Variants in ZC3HAV1 observed in about 807,000 individuals in gnomAD.
The protein encoded by ZC3HAV1 is zinc finger CCCH-type antiviral protein 1.
Under a neutral mutation model 86.6 loss-of-function variants are expected in ZC3HAV1, and 41 were observed. The observed-to-expected ratio is 0.47, with a 90% confidence interval of 0.37 to 0.61. The LOEUF (loss-of-function observed/expected upper bound fraction) is 0.61. Among genes scored for constraint, ZC3HAV1 ranks in the 20% least tolerant of loss-of-function variants. ZC3HAV1 has a pLI of 0.00. For synonymous variants in ZC3HAV1, 421 were observed against 432.1 expected, an observed-to-expected ratio of 0.97 and a Z score of 0.32; for missense variants, 964 against 1,141.1, an observed-to-expected ratio of 0.84 and a Z score of 2.24.
intron 1 of ZC3HAV1, among the ~76,000 whole-genome samples, chr7:139,097,401 C>CATATATATATATAT (rs1183885767): frequency 6.6e-4 from 42 of 63,832 alleles, no homozygotes; most frequent in East Asian, 1.2e-3. Flanking sequence ...ATTGGAACTC[C>CATATATATATATAT]ATATATATAT....
At chr7:139,092,204 C>A (rs1817457258) in intron 1 of ZC3HAV1, among the ~76,000 whole-genome samples, 3 of 152,134 alleles carry the variant, frequency 2.0e-5, no homozygotes, top group Admixed American at 2.0e-4. Flanking sequence ...GGATATAGCT[C>A]GCCACCATAT....
intron 11 of ZC3HAV1, 114 bp downstream of exon 11, chr7:139,053,851 C>T (rs565444210): frequency 2.3e-6 from 3 of 1,324,784 alleles, no homozygotes; most frequent in African/African-American, 1.6e-5. Flanking sequence ...AAGACTAGCG[C>T]CTAAAGGAAC....
chr7:139,097,412 ATATATATATATATATATTTTT>A lies in ZC3HAV1; in HGVS notation c.309-7674_309-7654del, dbSNP rs1196742734. On this transcript the variant is annotated intron_variant, in intron 1 of 12. Transcript: ENST00000242351. ...AAATATTGGAACTCCATATATATATATATATATATATATATATTTTTTTTTTTTTTTTTTTTCTTTGAGATG... is the reference window on the plus strand; with the variant it reads ...AAATATTGGAACTCCATATATATATATTTTTTTTTTTTTTTCTTTGAGATG... Among the ~76,000 whole-genome samples, 136 of 74,340 alleles carry A rather than the reference ATATATATATATATATATTTTT, an allele frequency of 1.8e-3. 9 individuals carry two copies. In the South Asian group the frequency reaches 0.039, roughly 22 times the overall value. The allele number at this position is 74,340 out of a possible 152,430, so 48.8% of individuals were successfully genotyped here.
chr7:139,090,737 G>A lies in ZC3HAV1; in HGVS notation c.309-978C>T, dbSNP rs532042129. ...TGAAAATGTAAACATCTAGGTAAAA[G>A]TTATTCTCTAAGAATTAATTTTTAA... On this transcript the variant is annotated intron_variant, in intron 1 of 12. Coordinates refer to ENST00000242351, the MANE Select transcript of ZC3HAV1 (RefSeq NM_020119.4). Among the ~76,000 whole-genome samples, 681 of 152,282 alleles carry A rather than the reference G, an allele frequency of 4.5e-3. 4 individuals carry two copies. The highest frequency in any genetic ancestry group is 9.2e-3 in the Admixed American group (140 of 15,290).
intron 7 of ZC3HAV1, among the ~76,000 whole-genome samples, chr7:139,073,440 G>A (rs1375309353): frequency 2.0e-5 from 3 of 151,988 alleles, no homozygotes; most frequent in South Asian, 2.1e-4. Context: ...CACACTCCAC[G>A]GGTAACCATG....
chr7:139,073,213 C>T lies in ZC3HAV1; in HGVS notation c.1872+643G>A, dbSNP rs561272246. On this transcript the variant is annotated intron_variant, in intron 7 of 12. Transcript: ENST00000242351. ...ACTCGGGAGGCTGAGGCAGGAAGAT[C>T]GCTTGAACCCAGGAGATGGAGGTTG... is the stretch of plus-strand genomic sequence containing the variant. Among the ~76,000 whole-genome samples, 71 of 152,052 alleles carry T rather than the reference C, an allele frequency of 4.7e-4. 2 individuals are homozygous for T. The highest frequency in any genetic ancestry group is 1.6e-3 in the African/African-American group (66 of 41,486).
chr7:139,097,418 A>ATTTTTTTTTT (rs1563140611), intron 1 of ZC3HAV1, among the ~76,000 whole-genome samples: 3 of 78,458 alleles, frequency 3.8e-5, no homozygotes, highest in African/African-American at 2.3e-4. Context: ...ATATATATAT[A>ATTTTTTTTTT]TATATATATA....
At chr7:139,059,034 T>C (rs554201330) in intron 9 of ZC3HAV1, among the ~76,000 whole-genome samples, 3 of 152,254 alleles carry the variant, frequency 2.0e-5, no homozygotes, top group Admixed American at 1.3e-4. Flanking sequence ...GTTTTGTTGC[T>C]TTAAGGAAAG....
At position 139,083,872 on chromosome 7, in the gene ZC3HAV1, A is replaced by C. The variant is rs1299145475; in HGVS notation, c.605T>G (p.Met202Arg). The stretch of plus-strand genomic sequence containing the variant: ...GTCGGGGTTCAGCCCGTGCTCCCTC[A>C]TGATGGCCAGCACCTTTCTGTCCAT... ...NLMDRKVLAI[M>R]REHGLNPDVV... Residue 202 changes from methionine (M) to arginine (R), a missense_variant, in exon 3 of 13, where the codon ATG (methionine) becomes AGG (arginine). Met to Arg is a moderately conservative substitution (Grantham distance 91). Transcript: ENST00000242351. 1 of 1,614,066 alleles carries C rather than the reference A, an allele frequency of 6.2e-7. No homozygotes were observed. Among genetic ancestry groups the C allele is most frequent in the South Asian group, 1.1e-5 (1 of 91,074 alleles).
At chr7:139,089,568 T>C in intron 2 of ZC3HAV1, 56 bp downstream of exon 2, 1 of 1,514,362 alleles carries the variant, frequency 6.6e-7, no homozygotes, top group Non-Finnish European at 8.8e-7. Flanking sequence ...AAAATATCTG[T>C]GACACAATAC....
At position 139,097,424 on chromosome 7, in the gene ZC3HAV1, A is replaced by ATTTTTTTTTTTTT. The variant is rs1278585081; in HGVS notation, c.309-7666_309-7665insAAAAAAAAAAAAA. On this transcript the variant is annotated intron_variant, in intron 1 of 12. Transcript: ENST00000242351. ...TCCATATATATATATATATATATATATATATTTTTTTTTTTTTTTTTTTTC... is the reference window on the plus strand; with the variant it reads ...TCCATATATATATATATATATATATATTTTTTTTTTTTTTATATTTTTTTTTTTTTTTTTTTTC... 3.6e-4 allele frequency among the ~76,000 whole-genome samples: 29 copies of ATTTTTTTTTTTTT among 81,176 alleles called. 2 individuals carry two copies. The highest frequency in any genetic ancestry group is 1.9e-3 in the African/African-American group (26 of 14,054). 53.3% of individuals were successfully genotyped at this position (81,176 alleles called of 152,430 possible).
chr7:139,064,895 A>T lies in ZC3HAV1; in HGVS notation c.1977T>A (p.Tyr659Ter). 6.2e-7 allele frequency: 1 copy of T among 1,613,934 alleles called. No homozygotes were observed. Among genetic ancestry groups the T allele is most frequent in the Non-Finnish European group, 8.5e-7 (1 of 1,179,786 alleles). Residue 659 changes from tyrosine (Y) to a stop codon, truncating the protein, a stop_gained, in exon 8 of 13, where the codon TAT becomes TAA. Coordinates refer to ENST00000242351, the MANE Select transcript of ZC3HAV1 (RefSeq NM_020119.4). LOFTEE classifies it high-confidence loss of function. The stretch of plus-strand genomic sequence containing the variant: ...GAAACCCACCTTGGAAACTCAGCTC[A>T]TAGTTCCGTGAGCCCGCCTGAAATG... Reference protein sequence around the residue: ...VVPFQAGSRNYELSFQGMIQT... With the variant: ...VVPFQAGSRN
rs749046264 is a variant in ZC3HAV1 at position 139,078,598 on chromosome 7, T to A, written c.1527A>T (p.Ser509=). Residue 509 remains serine (S), a synonymous_variant, in exon 5 of 13, where the codon TCA becomes TCT. Transcript: ENST00000242351. ...ACAGATGGTCAAGACAAATTTCCTCTGAGTCATGATCATCCACCCTAGAAG... is the reference window on the plus strand; with the variant it reads ...ACAGATGGTCAAGACAAATTTCCTCAGAGTCATGATCATCCACCCTAGAAG... ...TTSSRVDDHD[S]EEICLDHLCK... 7.5e-6 allele frequency: 12 copies of A among 1,591,338 alleles called. No homozygotes were observed. In the East Asian group the frequency reaches 2.7e-4, roughly 36 times the overall value.
intron 1 of ZC3HAV1, among the ~76,000 whole-genome samples, chr7:139,095,979 C>A (rs772739838): frequency 2.0e-5 from 3 of 151,938 alleles, no homozygotes; most frequent in Non-Finnish European, 4.4e-5. Flanking sequence ...GAGTAGATGG[C>A]CGCAGGTGGT....
Position 139,064,902 on chromosome 7 carries a change from C to T in ZC3HAV1, c.1970G>A (p.Arg657Gln), listed in dbSNP as rs1816552173. ...ACCTTGGAAACTCAGCTCATAGTTC[C>T]GTGAGCCCGCCTGAAATGGCACAAC... ...RGVVPFQAGSRNYELSFQGMI... is the reference protein window; with the variant it reads ...RGVVPFQAGSQNYELSFQGMI... Residue 657 changes from arginine (R) to glutamine (Q), a missense_variant, in exon 8 of 13, where the codon CGG (arginine) becomes CAG (glutamine). Physicochemically the swap from Arg to Gln is conservative, Grantham distance 43. Transcript: ENST00000242351. 8 of 1,613,992 alleles carry T rather than the reference C, an allele frequency of 5.0e-6. No homozygotes were observed. Among genetic ancestry groups the T allele is most frequent in the Admixed American group, 1.7e-5 (1 of 59,998 alleles).
At chr7:139,107,926 T>A (rs1333662154) in intron 1 of ZC3HAV1, among the ~76,000 whole-genome samples, 2 of 152,232 alleles carry the variant, frequency 1.3e-5, no homozygotes, top group African/African-American at 2.4e-5. Context: ...GGCCATTCAT[T>A]AATTCAACAA....
At chr7:139,106,987 T>C (rs1335614824) in intron 1 of ZC3HAV1, among the ~76,000 whole-genome samples, 1 of 152,026 alleles carries the variant, frequency 6.6e-6, no homozygotes, top group African/African-American at 2.4e-5. Context: ...TTTGAGTATG[T>C]TGAAAATATC....
intron 9 of ZC3HAV1, among the ~76,000 whole-genome samples, chr7:139,058,062 G>T (rs1324133344): frequency 2.6e-5 from 4 of 152,044 alleles, no homozygotes; most frequent in African/African-American, 9.7e-5. Flanking sequence ...TGTAGTTCAG[G>T]ATAGTACCCC....
In ZC3HAV1 at chr7:139,061,144, G is replaced by A. The variant is rs1391998183; in HGVS notation, c.1994-6C>T. The A allele has an allele frequency of 3.1e-6, 5 of 1,600,800 alleles. No homozygotes were observed. The highest frequency in any genetic ancestry group is 1.7e-4 in the Middle Eastern group (1 of 5,994). On this transcript the variant is annotated splice_region_variant and splice_polypyrimidine_tract_variant and intron_variant, in intron 8 of 12. Coordinates refer to ENST00000242351, the MANE Select transcript of ZC3HAV1 (RefSeq NM_020119.4). ...TATGTTTGTCTGAATCATCCCTTTG[G>A]ACAGAAAAAAAAATAAAAGCAGTGA...
Sources: gnomAD v4.1 joint callset for allele counts (sites outside exome capture counted in the v4.1 genomes callset) on GRCh38, gnomAD v4.1.1 for gene constraint, MANE v1.5 for transcripts, NCBI Gene and HGNC (gene_info 2026-07-23, HGNC 2026-07-21) for gene names.